PLEKHA7: variants seen among roughly 807,000 people sequenced by gnomAD.
The protein encoded by PLEKHA7 is pleckstrin homology domain-containing family A member 7.
A neutral mutation model predicts 170.0 loss-of-function variants in PLEKHA7; 104 were observed. The observed-to-expected ratio is 0.61, with a 90% CI of 0.52 to 0.72. The LOEUF is 0.72. Ranked by LOEUF, PLEKHA7 falls within the 30% of genes least tolerant of loss-of-function variation. The pLI, the probability that PLEKHA7 is intolerant of heterozygous loss-of-function variation, is 0.00. For missense variants in PLEKHA7, 1,615 were observed against 1,671.7 expected (o/e 0.97, Z 0.59); for synonymous variants, 648 against 660.8 (o/e 0.98, Z 0.30).
At chr11:16,849,868 C>T in intron 8 of PLEKHA7, among the ~76,000 whole-genome samples, 1 of 152,172 alleles carries the variant, frequency 6.6e-6, no homozygotes, top group East Asian at 1.9e-4. Flanking sequence ...TCTGGAGTGA[C>T]AGTAGCGTCA....
intron 9 of PLEKHA7, among the ~76,000 whole-genome samples, chr11:16,829,178 TAA>T (rs763333734): frequency 3.5e-5 from 5 of 141,716 alleles, no homozygotes; most frequent in Non-Finnish European, 4.7e-5. Context: ...CTCTGCTAAT[TAA>T]AAAAAAAAAA....
intron 3 of PLEKHA7, among the ~76,000 whole-genome samples, chr11:16,949,182 C>A (rs560013285): frequency 2.6e-5 from 4 of 151,980 alleles, no homozygotes; most frequent in South Asian, 4.2e-4. Context: ...TCAGTGTAAC[C>A]CCCCCATCTG....
intron 7 of PLEKHA7, among the ~76,000 whole-genome samples, chr11:16,852,049 C>A (rs1853011390): frequency 1.3e-5 from 2 of 152,248 alleles, no homozygotes; most frequent in African/African-American, 4.8e-5. Context: ...AATCAATGAT[C>A]CACACTTCTC....
At chr11:16,801,489 G>T (rs564427451) in intron 16 of PLEKHA7, among the ~76,000 whole-genome samples, 179 bp downstream of exon 16, 2 of 152,312 alleles carry the variant, frequency 1.3e-5, no homozygotes, top group African/African-American at 4.8e-5. Context: ...CGTGCAGGCA[G>T]ACATGTCACC....
At chr11:16,820,428 C>T (rs1458536645) in intron 10 of PLEKHA7, among the ~76,000 whole-genome samples, 3 of 152,206 alleles carry the variant, frequency 2.0e-5, no homozygotes, top group Non-Finnish European at 4.4e-5. Context: ...CTTCAACCTA[C>T]TTGTCGTGCC....
chr11:16,876,592 G>C (rs1481586289), intron 3 of PLEKHA7, among the ~76,000 whole-genome samples: 3 of 152,174 alleles, frequency 2.0e-5, no homozygotes, highest in Non-Finnish European at 4.4e-5. Flanking sequence ...CCCTGGGCCA[G>C]GAAGTACTTG....
At chr11:16,901,696 C>G (rs964179675) in intron 3 of PLEKHA7, among the ~76,000 whole-genome samples, 1 of 152,056 alleles carries the variant, frequency 6.6e-6, no homozygotes, top group African/African-American at 2.4e-5. Flanking sequence ...TAGCAAAACC[C>G]CATCTCTACA....
intron 3 of PLEKHA7, among the ~76,000 whole-genome samples, chr11:16,880,736 C>T (rs1240991367): frequency 6.6e-6 from 1 of 152,182 alleles, no homozygotes; most frequent in Non-Finnish European, 1.5e-5. Flanking sequence ...CGAGAAAAGC[C>T]GCATTCTATA....
At position 17,013,972 on chromosome 11, in the gene PLEKHA7, C is replaced by G. The variant is rs1055048837; in HGVS notation, c.221+17G>C. 2 of 1,531,758 alleles carry G rather than the reference C, an allele frequency of 1.3e-6. No individual in the cohort carries two copies. The highest frequency in any genetic ancestry group is 2.6e-5 in the East Asian group (1 of 39,168). The allele number at this position is 1,531,758 out of a possible 1,614,324, so 94.9% of individuals were successfully genotyped here. A position where few individuals can be genotyped will look rare whatever the true frequency, so the allele number is the denominator to read the frequency against. ...CCCCGCGGCACAGGTGCGAGCGCGGCGGCCCCACTCACTCACTCGATGAAG... is the reference window on the plus strand; with the variant it reads ...CCCCGCGGCACAGGTGCGAGCGCGGGGGCCCCACTCACTCACTCGATGAAG... On this transcript the variant is annotated intron_variant, in intron 3 of 26. Coordinates refer to ENST00000531066, the MANE Select transcript of PLEKHA7 (RefSeq NM_001329630.2).
intron 8 of PLEKHA7, among the ~76,000 whole-genome samples, chr11:16,848,731 C>A (rs1352734485): frequency 6.6e-6 from 1 of 152,148 alleles, no homozygotes; most frequent in Non-Finnish European, 1.5e-5. Context: ...TTGTGACCTG[C>A]TTTCTTAACT....
Position 16,817,019 on chromosome 11 carries a change from G to T in PLEKHA7, c.1647C>A (p.Thr549=), listed in dbSNP as rs1021999702. 1 of 1,603,302 alleles carries T rather than the reference G, an allele frequency of 6.2e-7. No individual in the cohort carries two copies. ...GCATGCTCCTGCTCCGGCCCTGGTC[G>T]GTGAACTCTGGGGAGCCAAGGCAGA... is the stretch of plus-strand genomic sequence containing the variant. ...APICLGSPEF[T]DQGRSRSMLE... Residue 549 remains threonine, a synonymous_variant, in exon 11 of 27, where the codon ACC becomes ACA. Transcript: ENST00000531066. The surrounding 1 kb of genome is among the most constrained non-coding windows in gnomAD (Gnocchi z 4.4).
At position 16,817,552 on chromosome 11, in the gene PLEKHA7, C is replaced by T; in HGVS notation, c.1344-230G>A. On this transcript the variant is annotated intron_variant, in intron 10 of 26. Coordinates refer to ENST00000531066, the MANE Select transcript of PLEKHA7 (RefSeq NM_001329630.2). The surrounding 1 kb of genome is among the most constrained non-coding windows in gnomAD (Gnocchi z 4.4). ...CTCTGCCAGGACAACTTGGCTACCC[C>T]ATGCCCATCACTTGGAGTGCAATGT... 3 of 472,118 alleles carry T rather than the reference C, an allele frequency of 6.4e-6. No homozygotes were observed. The highest frequency in any genetic ancestry group is 1.1e-5 in the Non-Finnish European group (3 of 268,170). The allele number at this position is 472,118 out of a possible 1,614,324, so 29.2% of individuals were successfully genotyped here. A position where few individuals can be genotyped will look rare whatever the true frequency, so the allele number is the denominator to read the frequency against.
chr11:16,855,111 G>T, intron 5 of PLEKHA7, 118 bp from the exon 6 acceptor site: 1 of 769,148 alleles, frequency 1.3e-6, no homozygotes, highest in Non-Finnish European at 2.2e-6. Flanking sequence ...AGCACCCTTT[G>T]ATCAAATGAA....
intron 3 of PLEKHA7, among the ~76,000 whole-genome samples, chr11:17,005,579 A>G (rs571640124): frequency 9.4e-4 from 143 of 152,146 alleles, no homozygotes; most frequent in Admixed American, 2.8e-3. Context: ...GGGTGCCATC[A>G]AGGCACAAGA....
chr11:16,974,686 A>T lies in PLEKHA7; in HGVS notation c.221+39303T>A. The T allele has an allele frequency of 3.8e-6, 2 of 532,964 alleles. 1 individual carries two copies. The highest frequency in any genetic ancestry group is 4.7e-6 in the Non-Finnish European group (2 of 427,336). The allele number at this position is 532,964 out of a possible 1,614,324, so 33.0% of individuals were successfully genotyped here. On this transcript the variant is annotated intron_variant, in intron 3 of 26. Coordinates refer to ENST00000531066, the MANE Select transcript of PLEKHA7 (RefSeq NM_001329630.2). ...GATTTTATTGTCTTCATAATAAAAG[A>T]TGACACTTAGAACTGGATCACTTGG...
At chr11:16,845,770 AG>A (rs962511963) in intron 8 of PLEKHA7, among the ~76,000 whole-genome samples, 4 of 152,016 alleles carry the variant, frequency 2.6e-5, no homozygotes, top group Non-Finnish European at 5.9e-5. Context: ...GAAACAGGTG[AG>A]GGGGGGATGG....
chr11:17,005,184 T>A (rs1864911350), intron 3 of PLEKHA7, among the ~76,000 whole-genome samples: 1 of 152,216 alleles, frequency 6.6e-6, no homozygotes, highest in South Asian at 2.1e-4. Context: ...TGTCTTAATT[T>A]TTTTCCAAAG....
At chr11:16,847,228 C>T (rs965612536) in intron 8 of PLEKHA7, among the ~76,000 whole-genome samples, 31 of 151,694 alleles carry the variant, frequency 2.0e-4, no homozygotes, top group Admixed American at 1.4e-3. Flanking sequence ...TCACGAGCAG[C>T]TGGGACTACA....
At chr11:16,939,666 C>T (rs1860546312) in intron 3 of PLEKHA7, among the ~76,000 whole-genome samples, 1 of 152,198 alleles carries the variant, frequency 6.6e-6, no homozygotes, top group African/African-American at 2.4e-5. Context: ...CAGATGCTGT[C>T]ACTCACAAAG....
Sources: allele counts gnomAD v4.1 joint callset (sites outside exome capture counted in the v4.1 genomes callset), GRCh38; gene constraint gnomAD v4.1.1; non-coding constraint Gnocchi (gnomAD v3.1); transcripts MANE v1.5; gene names NCBI Gene and HGNC (gene_info 2026-07-23, HGNC 2026-07-21).